TXK: variants seen among roughly 807,000 people sequenced by gnomAD.
The protein encoded by TXK is TXK tyrosine kinase, also known as tyrosine-protein kinase TXK.
A neutral mutation model predicts 81.0 loss-of-function variants in TXK; 60 were observed. The observed-to-expected ratio is 0.74, with a 90% CI of 0.60 to 0.92. The LOEUF is 0.92. TXK is among the 40% of genes least tolerant of loss of function. TXK has a pLI of 0.00. For synonymous variants in TXK, 203 were observed against 210.7 expected, an observed-to-expected ratio of 0.96 and a Z score of 0.32; for missense variants, 581 against 638.3, an observed-to-expected ratio of 0.91 and a Z score of 0.97.
intron 1 of TXK, among the ~76,000 whole-genome samples, chr4:48,119,226 T>C (rs1324063167): frequency 6.6e-6 from 1 of 152,204 alleles, no homozygotes; most frequent in Non-Finnish European, 1.5e-5. Flanking sequence ...GAATGAATAC[T>C]AAAAGGTGGG....
chr4:48,127,307 T>C lies in TXK; in HGVS notation c.16+6848A>G, dbSNP rs1472234452. ...GGTTGAAGTGTTGGGCCAAAATTCATTCCAATGCAGGTATCAAGGAGTATT... is the reference window on the plus strand; with the variant it reads ...GGTTGAAGTGTTGGGCCAAAATTCACTCCAATGCAGGTATCAAGGAGTATT... On this transcript the variant is annotated intron_variant, in intron 1 of 14. Coordinates refer to ENST00000264316, the MANE Select transcript of TXK (RefSeq NM_003328.3). Among the ~76,000 whole-genome samples the C allele has an allele frequency of 2.6e-5, 4 of 152,240 alleles. No individual in the cohort carries two copies. In the East Asian group the frequency reaches 7.7e-4, roughly 29 times the overall value.
At chr4:48,079,621 T>C (rs1217774130) in intron 11 of TXK, among the ~76,000 whole-genome samples, 1 of 152,134 alleles carries the variant, frequency 6.6e-6, no homozygotes, top group African/African-American at 2.4e-5. Context: ...AAAACTCCAG[T>C]CTCCTGCACA....
chr4:48,068,579 G>C (rs1473210154), intron 14 of TXK, among the ~76,000 whole-genome samples: 1 of 152,198 alleles, frequency 6.6e-6, no homozygotes, highest in Admixed American at 6.5e-5. Flanking sequence ...TTTTGAGTCA[G>C]CAACTCTAAA....
At chr4:48,088,220 G>A (rs1026512014) in intron 9 of TXK, among the ~76,000 whole-genome samples, 3 of 152,150 alleles carry the variant, frequency 2.0e-5, no homozygotes, top group Non-Finnish European at 2.9e-5. Flanking sequence ...TGATGGGAGT[G>A]TAATTTGGTA....
Position 48,067,523 on chromosome 4 carries a change from G to A in TXK, c.*114C>T, listed in dbSNP as rs1716652775. On this transcript the variant is annotated 3_prime_UTR_variant, in exon 15 of 15. Coordinates refer to ENST00000264316, the MANE Select transcript of TXK (RefSeq NM_003328.3). The stretch of plus-strand genomic sequence containing the variant: ...ACTGTGATCTTTGCACTGTTTTCAA[G>A]AGTCAGCAACTCTGAAGAAAGATAT... 4 of 1,080,628 alleles carry A rather than the reference G, an allele frequency of 3.7e-6. No individual in the cohort carries two copies. The South Asian group carries it at 4.1e-5, about 11-fold the overall frequency. 66.9% of individuals were successfully genotyped at this position (1,080,628 alleles called of 1,614,324 possible). A position where few individuals can be genotyped will look rare whatever the true frequency, so the allele number is the denominator to read the frequency against.
intron 10 of TXK, among the ~76,000 whole-genome samples, chr4:48,085,061 G>C (rs1476756707): frequency 6.6e-6 from 1 of 152,208 alleles, no homozygotes; most frequent in Non-Finnish European, 1.5e-5. Flanking sequence ...CAGCATTGCT[G>C]TTCCTCTAAA....
chr4:48,080,678 A>T (rs1196190814), intron 10 of TXK, among the ~76,000 whole-genome samples: 4 of 151,492 alleles, frequency 2.6e-5, no homozygotes, highest in Non-Finnish European at 5.9e-5. Flanking sequence ...ACACACACAC[A>T]CACACACACA....
chr4:48,079,438 T>A (rs748131002), intron 11 of TXK, among the ~76,000 whole-genome samples: 48 of 152,144 alleles, frequency 3.2e-4, no homozygotes, highest in Non-Finnish European at 7.4e-5. Context: ...TCACCTGATC[T>A]TCTGGCCCCC....
At chr4:48,095,539 C>G (rs770019386) in intron 6 of TXK, among the ~76,000 whole-genome samples, 14 of 151,894 alleles carry the variant, frequency 9.2e-5, no homozygotes, top group Non-Finnish European at 1.8e-4. Context: ...TTATATTGAC[C>G]AGAATAATAG....
In TXK at chr4:48,073,882, A is replaced by G. The variant is rs969883652; in HGVS notation, c.1357+53T>C. On this transcript the variant is annotated intron_variant, in intron 13 of 14. Transcript: ENST00000264316. ...AGGAAATCAAAGTTAAAAATAACAC[A>G]TTGCCCATTTTATTAAATCAAGCTC... 2.5e-6 allele frequency: 3 copies of G among 1,177,588 alleles called. No individual in the cohort carries two copies. In the African/African-American group the frequency reaches 4.6e-5, roughly 18 times the overall value. 72.9% of individuals were successfully genotyped at this position (1,177,588 alleles called of 1,614,324 possible). A position where few individuals can be genotyped will look rare whatever the true frequency, so the allele number is the denominator to read the frequency against.
chr4:48,071,581 C>T lies in TXK; in HGVS notation c.1451G>A (p.Arg484Lys). 1 of 1,614,170 alleles carries T rather than the reference C, an allele frequency of 6.2e-7. No individual in the cohort carries two copies. Among genetic ancestry groups the T allele is most frequent in the Non-Finnish European group, 8.5e-7 (1 of 1,180,022 alleles). ...QVVEAISEGF[R>K]LYRPHLAPMS... ...TGGTGCCAGGTGAGGGCGATATAGC[C>T]TGAAGCCTTCAGAAATAGCTTCCAC... is the stretch of plus-strand genomic sequence containing the variant. The change falls in exon 14 of 15, where the codon AGG becomes AAG. Residue 484 changes from arginine to lysine, a missense_variant. By Grantham distance (26) the Arg-to-Lys change is conservative (BLOSUM62 2). Transcript: ENST00000264316.
chr4:48,074,123 G>T (rs1716972212), intron 12 of TXK, 70 bp from the exon 13 acceptor site: 2 of 1,226,536 alleles, frequency 1.6e-6, no homozygotes, highest in African/African-American at 3.0e-5. Context: ...AATCCCTTTA[G>T]TTAACTCTAA....
chr4:48,079,824 C>T, intron 11 of TXK, 88 bp downstream of exon 11: 3 of 905,208 alleles, frequency 3.3e-6, no homozygotes, highest in Admixed American at 2.1e-5. Context: ...ATCAAGGACA[C>T]ATTATTCAAA....
intron 1 of TXK, among the ~76,000 whole-genome samples, chr4:48,125,340 C>A (rs1334127144): frequency 6.6e-6 from 1 of 152,248 alleles, no homozygotes; most frequent in Non-Finnish European, 1.5e-5. Flanking sequence ...AGAACTCATT[C>A]AGCAACTATT....
In TXK at chr4:48,082,735, C is replaced by T. The variant is rs148336115; in HGVS notation, c.957-2607G>A. On this transcript the variant is annotated intron_variant, in intron 10 of 14. Coordinates refer to ENST00000264316, the MANE Select transcript of TXK (RefSeq NM_003328.3). ...CCCCCTATCCTGTACCCATACAAAT[C>T]GCAAACTCCAGGTCCAGAAGCAGAT... is the stretch of plus-strand genomic sequence containing the variant. Among the ~76,000 whole-genome samples the T allele has an allele frequency of 4.1e-3, 624 of 152,252 alleles. 11 individuals are homozygous for T. Among genetic ancestry groups the T allele is most frequent in the Admixed American group, 0.03 (455 of 15,298 alleles).
At chr4:48,091,618 G>A (rs1717779845) in intron 8 of TXK, among the ~76,000 whole-genome samples, 1 of 151,796 alleles carries the variant, frequency 6.6e-6, no homozygotes, top group South Asian at 2.1e-4. Flanking sequence ...CGATTCTCCT[G>A]CCTCAGCCTC....
intron 6 of TXK, among the ~76,000 whole-genome samples, chr4:48,099,951 G>T (rs1718123267): frequency 6.6e-6 from 1 of 151,942 alleles, no homozygotes; most frequent in African/African-American, 2.4e-5. Flanking sequence ...TTGGGAGGCC[G>T]AGGCGGGCGG....
chr4:48,115,564 A>G (rs1018502553), intron 1 of TXK, among the ~76,000 whole-genome samples: 2 of 152,156 alleles, frequency 1.3e-5, no homozygotes, highest in Non-Finnish European at 2.9e-5. Flanking sequence ...GACCATAAAT[A>G]AGCCAAGGGT....
chr4:48,112,687 C>T (rs1301072393), intron 3 of TXK, among the ~76,000 whole-genome samples, 175 bp from the exon 4 acceptor site: 1 of 152,108 alleles, frequency 6.6e-6, no homozygotes, highest in African/African-American at 2.4e-5. Context: ...CTTTAGGATC[C>T]AGCAATACAC....
Sources: gnomAD v4.1 joint callset for allele counts (sites outside exome capture counted in the v4.1 genomes callset) on GRCh38, gnomAD v4.1.1 for gene constraint, MANE v1.5 for transcripts, NCBI Gene and HGNC (gene_info 2026-07-23, HGNC 2026-07-21) for gene names.